Variants in NLRP13 observed in about 807,000 individuals in gnomAD.
NLRP13 encodes NLR family pyrin domain containing 13, also known as NACHT, LRR and PYD domains-containing protein 13.
A neutral mutation model predicts 94.4 loss-of-function variants in NLRP13; 82 were observed. The ratio of observed to expected loss-of-function variants is 0.87; its 90% CI spans 0.73 to 1.04. The LOEUF is 1.04. Among genes scored for constraint, NLRP13 ranks in the 50% least tolerant of loss-of-function variants. The probability of loss-of-function intolerance (pLI) is 0.00; values close to 1 mark genes in which losing one functional copy is unlikely to be tolerated. For synonymous variants in NLRP13, 553 were observed against 464.7 expected (o/e 1.19, Z -2.45); for missense variants, 1,426 against 1,230.8 (o/e 1.16, Z -2.37).
At position 55,927,404 on chromosome 19, in the gene NLRP13, C is replaced by T. The variant is rs574957169; in HGVS notation, c.320-2369G>A. Among the ~76,000 whole-genome samples the T allele has an allele frequency of 2.0e-5, 3 of 150,106 alleles. No homozygotes were observed. The East Asian group carries it at 5.9e-4, about 29-fold the overall frequency. ...AAAAAAAAGAGTGAAAACTATATGA[C>T]ACATTTGCCTTCGATTATTCTCCTT... On this transcript the variant is annotated intron_variant, in intron 1 of 10. Coordinates refer to ENST00000342929, the MANE Select transcript of NLRP13 (RefSeq NM_176810.2).
At chr19:55,895,130 G>A (rs541165754), downstream of NLRP13, among the ~76,000 whole-genome samples, 5 of 147,042 alleles carry the variant, frequency 3.4e-5, no homozygotes, top group Admixed American at 1.5e-4. Flanking sequence ...AGTGGCTCAC[G>A]CCTGTAATCG....
At chr19:55,901,366 G>A (rs1316621113) in intron 9 of NLRP13, among the ~76,000 whole-genome samples, 1 of 152,134 alleles carries the variant, frequency 6.6e-6, no homozygotes, top group African/African-American at 2.4e-5. Context: ...TTGGCTAAAC[G>A]TTTGAACTTT....
chr19:55,924,762 G>T, intron 2 of NLRP13, 104 bp from the exon 3 acceptor site: 1 of 1,000,214 alleles, frequency 1.0e-6, no homozygotes, highest in Non-Finnish European at 1.6e-6. Flanking sequence ...TGGCAAACGG[G>T]ATTGAAGAGA....
chr19:55,903,632 G>A (rs1451354227), intron 8 of NLRP13, among the ~76,000 whole-genome samples: 1 of 151,936 alleles, frequency 6.6e-6, no homozygotes, highest in Non-Finnish European at 1.5e-5. Context: ...TTCTTACCCA[G>A]ACCCTGCTCT....
downstream of NLRP13, among the ~76,000 whole-genome samples, chr19:55,893,807 C>T (rs1351949580): frequency 6.6e-6 from 1 of 152,182 alleles, no homozygotes; most frequent in Non-Finnish European, 1.5e-5. Context: ...CAGTCAGAAG[C>T]CCCTTCTGCA....
At chr19:55,925,437 T>C (rs1330376439) in intron 1 of NLRP13, among the ~76,000 whole-genome samples, 5 of 152,238 alleles carry the variant, frequency 3.3e-5, no homozygotes, top group African/African-American at 1.2e-4. Flanking sequence ...CTTGTCACCT[T>C]TTAACACACC....
Position 55,932,275 on chromosome 19 carries a change from T to C in NLRP13, c.37A>G (p.Thr13Ala). The change falls in exon 1 of 11, where the codon ACC (threonine) becomes GCC (alanine). Residue 13 changes from threonine (T) to alanine (A), a missense_variant. Coordinates refer to ENST00000342929, the MANE Select transcript of NLRP13 (RefSeq NM_176810.2). ...AGGTAAGGCAGAAGCCCTTGGTTGG[T>C]ACCACCGTTGGGGCAGGTGATTACA... ...FSVITCPNGG[T>A]NQGLLPYLMA... The C allele has an allele frequency of 1.9e-6, 3 of 1,610,142 alleles. No homozygotes were observed. The highest frequency in any genetic ancestry group is 1.7e-6 in the Non-Finnish European group (2 of 1,179,052).
chr19:55,895,809 C>T (rs1299215894), downstream of NLRP13: 3 of 905,774 alleles, frequency 3.3e-6, no homozygotes, highest in Non-Finnish European at 5.1e-6. Context: ...AGATCACTCC[C>T]ACCCTTACTG....
downstream of NLRP13, among the ~76,000 whole-genome samples, chr19:55,892,363 GTGTATATA>G (rs912689719): frequency 2.7e-4 from 28 of 105,114 alleles, no homozygotes; most frequent in Admixed American, 3.0e-3. Context: ...ACAAATATAT[GTGTATATA>G]TGTATATACA....
At chr19:55,914,749 G>T (rs1291130333) in intron 4 of NLRP13, among the ~76,000 whole-genome samples, 2 of 152,276 alleles carry the variant, frequency 1.3e-5, no homozygotes, top group South Asian at 2.1e-4. Flanking sequence ...ACAAATGATA[G>T]AATTTCCTTC....
At chr19:55,900,500 G>C (rs549638887) in intron 9 of NLRP13, among the ~76,000 whole-genome samples, 1 of 151,940 alleles carries the variant, frequency 6.6e-6, no homozygotes, top group African/African-American at 2.4e-5. Flanking sequence ...GGCCAGGCGC[G>C]GTGGCTCACG....
chr19:55,913,861 A>C lies in NLRP13; in HGVS notation c.524-568T>G, dbSNP rs58597583. ...CATTGCCTGACCAGCTCAGCACCCC[A>C]AAGACACCTTCTAGCCAGTAGAGGG... On this transcript the variant is annotated intron_variant, in intron 4 of 10. Transcript: ENST00000342929. 3.7e-3 allele frequency among the ~76,000 whole-genome samples: 557 copies of C among 152,106 alleles called. 23 individuals carry two copies. The South Asian group carries it at 0.081, about 22-fold the overall frequency.
chr19:55,927,685 C>CA (rs777038913), intron 1 of NLRP13, among the ~76,000 whole-genome samples: 2 of 152,114 alleles, frequency 1.3e-5, no homozygotes, highest in Non-Finnish European at 2.9e-5. Flanking sequence ...AAAACTACCC[C>CA]AAAGATCAAC....
intron 6 of NLRP13, 136 bp downstream of exon 6, chr19:55,910,427 A>G (rs748413944): frequency 5.1e-6 from 4 of 790,058 alleles, no homozygotes; most frequent in Admixed American, 3.0e-5. Context: ...AGTTTCATAA[A>G]TACAAGCACA....
Position 55,912,175 on chromosome 19 carries a change from A to C in NLRP13, c.1642T>G (p.Phe548Val). Residue 548 changes from phenylalanine to valine, a missense_variant, in exon 5 of 11, where the codon TTT becomes GTT. Transcript: ENST00000342929. ...AATTCTCTAGGTTCCTCTAGCACAA[A>C]GGACATGGCTGCAAAAAACTCCTGG... is the stretch of plus-strand genomic sequence containing the variant. ...SFQEFFAAMSFVLEEPREFPP... is the reference protein window; with the variant it reads ...SFQEFFAAMSVVLEEPREFPP... The C allele has an allele frequency of 6.2e-7, 1 of 1,614,198 alleles. No homozygotes were observed. The highest frequency in any genetic ancestry group is 1.1e-5 in the South Asian group (1 of 91,080).
rs143525925 is a variant in NLRP13 at position 55,906,515 on chromosome 19, G to A, written c.2447+1277C>T. Reference sequence around the variant, plus strand: ...CCAGCTTGCAAAGAAGATGCTTTGAGAAGGCCGCAAGACTTACGACAGCTC... The same window carrying A: ...CCAGCTTGCAAAGAAGATGCTTTGAAAAGGCCGCAAGACTTACGACAGCTC... On this transcript the variant is annotated intron_variant, in intron 7 of 10. Transcript: ENST00000342929. 4.9e-3 allele frequency among the ~76,000 whole-genome samples: 740 copies of A among 152,144 alleles called. 12 individuals are homozygous for A. Among genetic ancestry groups the A allele is most frequent in the African/African-American group, 0.017 (721 of 41,498 alleles).
intron 1 of NLRP13, among the ~76,000 whole-genome samples, chr19:55,926,098 GCT>G (rs1001865332): frequency 1.3e-5 from 2 of 152,096 alleles, no homozygotes; most frequent in Admixed American, 6.6e-5. Context: ...CTCTTCACTG[GCT>G]CTGTTTATCC....
intron 4 of NLRP13, among the ~76,000 whole-genome samples, chr19:55,913,548 C>CTAAAAAAAAAAAAAAAA (rs1986594182): frequency 1.9e-5 from 1 of 52,056 alleles, no homozygotes; most frequent in Non-Finnish European, 4.0e-5. Flanking sequence ...GACTCCGTCT[C>CTAAAAAAAAAAAAAAAA]AAAAAAAAAA....
At position 55,906,874 on chromosome 19, in the gene NLRP13, A is replaced by G. The variant is rs138646631; in HGVS notation, c.2447+918T>C. The stretch of plus-strand genomic sequence containing the variant: ...TGGTCCATGATCCAGCAAGAGCAGC[A>G]TGACGTGGTAGCCTGTTAGAAGTGC... On this transcript the variant is annotated intron_variant, in intron 7 of 10. Coordinates refer to ENST00000342929, the MANE Select transcript of NLRP13 (RefSeq NM_176810.2). Among the ~76,000 whole-genome samples the G allele has an allele frequency of 9.8e-5, 15 of 152,312 alleles. No homozygotes were observed. In the East Asian group the frequency reaches 2.9e-3, roughly 29 times the overall value.
Sources: allele counts gnomAD v4.1 joint callset (sites outside exome capture counted in the v4.1 genomes callset), GRCh38; gene constraint gnomAD v4.1.1; transcripts MANE v1.5; gene names NCBI Gene and HGNC (gene_info 2026-07-23, HGNC 2026-07-21).